TOPAZ1: variants seen among roughly 807,000 people sequenced by gnomAD.
TOPAZ1 encodes the protein testis and ovary specific TOPAZ 1, also known as protein TOPAZ1.
A neutral mutation model predicts 172.2 loss-of-function variants in TOPAZ1; 66 were observed. That is an observed-to-expected ratio of 0.38 (90% CI 0.31 to 0.47). The LOEUF (loss-of-function observed/expected upper bound fraction) is 0.47, where lower values mean the gene tolerates loss of function less well. Ranked by LOEUF, TOPAZ1 falls within the 20% of genes least tolerant of loss-of-function variation. The pLI, the probability that TOPAZ1 is intolerant of heterozygous loss-of-function variation, is 0.99. For missense variants in TOPAZ1, 1,822 were observed against 1,972.4 expected (o/e 0.92, Z 1.44); for synonymous variants, 681 against 683.9 (o/e 1.00, Z 0.07).
intron 3 of TOPAZ1, 63 bp from the exon 4 acceptor site, chr3:44,256,088 C>A: frequency 3.1e-6 from 4 of 1,276,104 alleles, no homozygotes; most frequent in East Asian, 5.4e-5. Context: ...TTTAGAACAG[C>A]CTTTGAATAA....
chr3:44,331,843 A>C lies in TOPAZ1; in HGVS notation c.4911A>C (p.Glu1637Asp). 1 of 1,552,164 alleles carries C rather than the reference A, an allele frequency of 6.4e-7. No individual in the cohort carries two copies. Among genetic ancestry groups the C allele is most frequent in the Non-Finnish European group, 8.7e-7 (1 of 1,147,084 alleles). ...RSNDDYQAAV[E>D]RLIMAARISD... ...ATGATGATTATCAAGCTGCAGTAGA[A>C]AGGTTAATTATGGCTGCTCGTATAT... The change falls in exon 20 of 20, where the codon GAA becomes GAC. Residue 1637 changes from glutamate (E) to aspartate (D), a missense_variant. Physicochemically the swap from Glu to Asp is conservative, Grantham distance 45. This residue lies in a region of TOPAZ1 where 333 missense variants were observed against 481.7 expected (regional missense o/e 0.69). Coordinates refer to ENST00000309765, the MANE Select transcript of TOPAZ1 (RefSeq NM_001145030.2).
chr3:44,304,350 G>A (rs1055979782), intron 13 of TOPAZ1, among the ~76,000 whole-genome samples: 2 of 152,084 alleles, frequency 1.3e-5, no homozygotes, highest in African/African-American at 4.8e-5. Flanking sequence ...ATAACAATTC[G>A]AAGCTTAGTC....
rs192078606 is a variant in TOPAZ1, at chr3:44,245,139, A to G, written c.2633A>G (p.Asn878Ser). 6,081 of 1,552,038 alleles carry G rather than the reference A, an allele frequency of 3.9e-3. 17 individuals are homozygous for G. Among genetic ancestry groups the G allele is most frequent in the Non-Finnish European group, 4.9e-3 (5,575 of 1,147,062 alleles). Residue 878 changes from asparagine (N) to serine (S), a missense_variant, in exon 2 of 20, where the codon AAT becomes AGT. Asn to Ser is a conservative substitution (Grantham distance 46). Transcript: ENST00000309765. ...QDDPDLFGVS[N>S]EGELSFTSEV... ...GACCCAGACCTCTTTGGAGTCTCCA[A>G]TGAAGGGGAGCTCTCATTTACTTCT...
intron 16 of TOPAZ1, among the ~76,000 whole-genome samples, chr3:44,311,323 T>A (rs554498784): frequency 6.6e-6 from 1 of 152,240 alleles, no homozygotes; most frequent in East Asian, 1.9e-4. Context: ...AATACAAAAA[T>A]GGAAATTAAT....
chr3:44,332,991 T>TG (rs1428540239), downstream of TOPAZ1, among the ~76,000 whole-genome samples: 4 of 149,606 alleles, frequency 2.7e-5, no homozygotes, highest in African/African-American at 9.8e-5. Flanking sequence ...GTTTTTTTTG[T>TG]GGTTTTTTTT....
chr3:44,251,755 T>G (rs1014897310), intron 2 of TOPAZ1, among the ~76,000 whole-genome samples: 6 of 152,180 alleles, frequency 3.9e-5, no homozygotes, highest in Non-Finnish European at 7.4e-5. Context: ...GGCTTAAACC[T>G]GTCTTACTCT....
At chr3:44,274,159 C>G (rs1699927087) in intron 8 of TOPAZ1, among the ~76,000 whole-genome samples, 1 of 150,980 alleles carries the variant, frequency 6.6e-6, no homozygotes, top group African/African-American at 2.4e-5. Context: ...CCTGTAATCC[C>G]AGCACTTTGG....
At chr3:44,307,874 T>C (rs1700352956) in intron 15 of TOPAZ1, among the ~76,000 whole-genome samples, 1 of 152,160 alleles carries the variant, frequency 6.6e-6, no homozygotes, top group Non-Finnish European at 1.5e-5. Context: ...AAGGTGTACC[T>C]TGTGTTTGCT....
intron 12 of TOPAZ1, among the ~76,000 whole-genome samples, chr3:44,298,203 C>A (rs1361402203): frequency 2.0e-5 from 3 of 152,160 alleles, no homozygotes; most frequent in African/African-American, 7.2e-5. Flanking sequence ...GTGGCTCACA[C>A]CTGTAATCAC....
chr3:44,283,388 A>T (rs1700043463), intron 9 of TOPAZ1, among the ~76,000 whole-genome samples: 4 of 152,178 alleles, frequency 2.6e-5, no homozygotes, highest in African/African-American at 9.7e-5. Context: ...TAAGATAACT[A>T]GATAGCAACT....
At chr3:44,257,352 GGTGTGT>G (rs59827431) in intron 4 of TOPAZ1, among the ~76,000 whole-genome samples, 1,900 of 110,312 alleles carry the variant, frequency 0.017, 51 homozygotes, top group African/African-American at 0.056. Context: ...AAAACATAGG[GGTGTGT>G]GTGTGTGTGT....
At chr3:44,325,464 TCAA>T (rs2125706200) in intron 18 of TOPAZ1, among the ~76,000 whole-genome samples, 1 of 152,294 alleles carries the variant, frequency 6.6e-6, no homozygotes, top group South Asian at 2.1e-4. Context: ...TAGAACATCT[TCAA>T]CACCTCCAGA....
Position 44,242,116 on chromosome 3 carries a change from C to T in TOPAZ1, c.63C>T (p.Asn21=). 6.5e-7 allele frequency: 1 copy of T among 1,548,810 alleles called. No individual in the cohort carries two copies. Among genetic ancestry groups the T allele is most frequent in the Non-Finnish European group, 8.7e-7 (1 of 1,146,530 alleles). Residue 21 remains asparagine, a synonymous_variant, in exon 1 of 20, where the codon AAC becomes AAT. Coordinates refer to ENST00000309765, the MANE Select transcript of TOPAZ1 (RefSeq NM_001145030.2). ...TASGPEGNVR[N]LQKRQAPGPG... Reference sequence around the variant, plus strand: ...CAGGGCCTGAAGGCAATGTGCGAAACCTGCAGAAGCGGCAGGCGCCAGGGC... The same window carrying T: ...CAGGGCCTGAAGGCAATGTGCGAAATCTGCAGAAGCGGCAGGCGCCAGGGC...
rs1257852236 is a variant in TOPAZ1 at position 44,331,228 on chromosome 3, C to A, written c.4860-564C>A. On this transcript the variant is annotated intron_variant, in intron 19 of 19. Coordinates refer to ENST00000309765, the MANE Select transcript of TOPAZ1 (RefSeq NM_001145030.2). ...GTGGTGAAATCAATTTAGGGTGTTA[C>A]AACCAGTATTATTTTTAAAATCAGG... 2.6e-5 allele frequency among the ~76,000 whole-genome samples: 4 copies of A among 152,154 alleles called. No homozygotes were observed. In the East Asian group the frequency reaches 7.7e-4, roughly 29 times the overall value.
chr3:44,283,739 G>A (rs1302314046), intron 9 of TOPAZ1, among the ~76,000 whole-genome samples: 9 of 151,962 alleles, frequency 5.9e-5, no homozygotes, highest in Admixed American at 6.6e-5. Context: ...GTACACACAC[G>A]TGTGCACATA....
At position 44,244,628 on chromosome 3, in the gene TOPAZ1, G is replaced by T; in HGVS notation, c.2122G>T (p.Glu708Ter). The T allele has an allele frequency of 6.4e-7, 1 of 1,551,338 alleles. No individual in the cohort carries two copies. Reference protein sequence around the residue: ...KRKEVNAKSSEREAYSPLELL... With the variant: ...KRKEVNAKSS ...AAAAGAAGTAAATGCCAAGTCATCA[G>T]AGAGAGAAGCTTACAGTCCTCTAGA... Residue 708 changes from glutamate (E) to a stop codon, truncating the protein, a stop_gained, in exon 2 of 20, where the codon GAG (glutamate) becomes TAG (stop). Coordinates refer to ENST00000309765, the MANE Select transcript of TOPAZ1 (RefSeq NM_001145030.2). LOFTEE classifies it high-confidence loss of function.
chr3:44,314,523 T>C (rs1439871841), intron 16 of TOPAZ1, among the ~76,000 whole-genome samples: 1 of 152,000 alleles, frequency 6.6e-6, no homozygotes, highest in Non-Finnish European at 1.5e-5. Flanking sequence ...CCAATCCAGG[T>C]CTATCTGACT....
At chr3:44,278,719 G>T (rs1296522772) in intron 8 of TOPAZ1, among the ~76,000 whole-genome samples, 1 of 150,622 alleles carries the variant, frequency 6.6e-6, no homozygotes, top group Non-Finnish European at 1.5e-5. Context: ...ATTTTATTTG[G>T]GTCTTTTCTT....
chr3:44,269,471 C>CTTTTTTTTTT (rs71085612), intron 7 of TOPAZ1, among the ~76,000 whole-genome samples, 170 bp downstream of exon 7: 520 of 33,926 alleles, frequency 0.015, 87 homozygotes, highest in African/African-American at 0.019. Flanking sequence ...TCCCTATCAT[C>CTTTTTTTTTT]TTTTTTTTTT....
Sources: gnomAD v4.1 joint callset for allele counts (sites outside exome capture counted in the v4.1 genomes callset) on GRCh38, gnomAD v4.1.1 for gene constraint, gnomAD v4.1.1 regional missense constraint, MANE v1.5 for transcripts, NCBI Gene and HGNC (gene_info 2026-07-23, HGNC 2026-07-21) for gene names.